The following APP variants were observed in gnomAD, a reference collection of about 807,000 sequenced individuals.
APP encodes the protein amyloid beta precursor protein.
In APP, 31 loss-of-function variants were observed where a neutral mutation model predicts 101.4. The ratio of observed to expected loss-of-function variants is 0.31; its 90% confidence interval spans 0.23 to 0.41. APP has a LOEUF of 0.41. APP is among the 10% of genes least tolerant of loss of function. The pLI is 1.00. For synonymous variants in APP, 366 were observed against 364.4 expected (o/e 1.00, Z -0.05); for missense variants, 839 against 1,003.7 (o/e 0.84, Z 2.22).
chr21:26,058,498 C>T (rs554801688), intron 3 of APP, among the ~76,000 whole-genome samples: 7 of 152,266 alleles, frequency 4.6e-5, no homozygotes, highest in East Asian at 1.9e-4. Flanking sequence ...GTATATTTTT[C>T]GATTTCTTTA....
chr21:25,907,137 CTCTTCTTCT>C (rs144592208), intron 14 of APP, among the ~76,000 whole-genome samples: 1 of 152,034 alleles, frequency 6.6e-6, no homozygotes, highest in Non-Finnish European at 1.5e-5. Flanking sequence ...CCTCTCCCCG[CTCTTCTTCT>C]TCTTCTTCTA....
intron 3 of APP, among the ~76,000 whole-genome samples, chr21:26,065,197 T>A (rs2046412239): frequency 6.6e-6 from 1 of 152,112 alleles, no homozygotes. Flanking sequence ...CAGGTGCACC[T>A]GCCACACAGG....
chr21:25,988,702 CAAAA>C (rs537417600), intron 8 of APP, among the ~76,000 whole-genome samples: 26 of 62,358 alleles, frequency 4.2e-4, no homozygotes, highest in African/African-American at 6.4e-4. Flanking sequence ...AACTCTGTCT[CAAAA>C]AAAAAAAAAA....
chr21:25,901,094 T>TC (rs1231025282), intron 15 of APP, among the ~76,000 whole-genome samples: 2 of 151,998 alleles, frequency 1.3e-5, no homozygotes, highest in Non-Finnish European at 2.9e-5. Flanking sequence ...ACTCAGGAGT[T>TC]CGAGACCAGC....
At chr21:26,161,010 C>T (rs1157154535) in intron 1 of APP, among the ~76,000 whole-genome samples, 1 of 152,132 alleles carries the variant, frequency 6.6e-6, no homozygotes, top group Non-Finnish European at 1.5e-5. Flanking sequence ...TATGCTTGTT[C>T]GCAGTTTCTT....
At chr21:25,967,296 C>T (rs548242787) in intron 11 of APP, among the ~76,000 whole-genome samples, 7 of 152,182 alleles carry the variant, frequency 4.6e-5, no homozygotes, top group South Asian at 2.1e-4. Context: ...TGGTTTCAAT[C>T]GTTAAGACAC....
chr21:25,997,848 C>T (rs539285212), intron 7 of APP, among the ~76,000 whole-genome samples: 73 of 152,322 alleles, frequency 4.8e-4, no homozygotes, highest in Non-Finnish European at 9.6e-4. Flanking sequence ...TCAGCCTTTG[C>T]CTTCTTCATA....
intron 1 of APP, among the ~76,000 whole-genome samples, chr21:26,157,495 T>C (rs1017351737): frequency 3.3e-5 from 5 of 152,244 alleles, no homozygotes; most frequent in African/African-American, 1.2e-4. Flanking sequence ...AGACAGATTC[T>C]GTAATGTGTC....
intron 13 of APP, among the ~76,000 whole-genome samples, chr21:25,929,246 A>C (rs1202537200): frequency 1.3e-5 from 2 of 152,178 alleles, no homozygotes; most frequent in Admixed American, 1.3e-4. Flanking sequence ...ATATGTTATG[A>C]CTTCACTGTG....
chr21:25,992,301 T>A (rs946897504), intron 8 of APP, among the ~76,000 whole-genome samples: 2 of 151,294 alleles, frequency 1.3e-5, no homozygotes, highest in East Asian at 3.9e-4. Flanking sequence ...GACAGGGGGA[T>A]CTCTTGAACC....
chr21:25,929,402 G>A (rs533697116), intron 13 of APP, among the ~76,000 whole-genome samples: 1 of 151,582 alleles, frequency 6.6e-6, no homozygotes, highest in Non-Finnish European at 1.5e-5. Context: ...TTTTTTTAAT[G>A]GTTTTATTCT....
At chr21:26,057,249 G>A (rs2830032) in intron 3 of APP, among the ~76,000 whole-genome samples, 112,980 of 152,116 alleles carry the variant, frequency 0.74, 42,110 homozygotes, top group East Asian at 0.87. Context: ...CAGGTAAAAA[G>A]AGTTCTTAAC....
intron 3 of APP, among the ~76,000 whole-genome samples, chr21:26,078,249 T>C (rs1259541101): frequency 6.6e-6 from 1 of 152,150 alleles, no homozygotes; most frequent in East Asian, 1.9e-4. Context: ...AAATAAACAG[T>C]TCTGCTTTTA....
At position 26,088,706 on chromosome 21, in the gene APP, T is replaced by C. The variant is rs553444755; in HGVS notation, c.355+1237A>G. Among the ~76,000 whole-genome samples, 19 of 152,332 alleles carry C rather than the reference T, an allele frequency of 1.2e-4. No individual in the cohort carries two copies. The East Asian group carries it at 3.7e-3, about 29-fold the overall frequency. ...TATCTAGAATTTAAGTGCTGCTTAT[T>C]TTCATCTAATTAAACTGCACTTTTT... On this transcript the variant is annotated intron_variant, in intron 3 of 17. Coordinates refer to ENST00000346798, the MANE Select transcript of APP (RefSeq NM_000484.4).
intron 11 of APP, among the ~76,000 whole-genome samples, chr21:25,966,164 T>A (rs2041788354): frequency 6.6e-6 from 1 of 152,236 alleles, no homozygotes; most frequent in Non-Finnish European, 1.5e-5. Context: ...TTATCGAACT[T>A]GGTAAACATT....
intron 5 of APP, among the ~76,000 whole-genome samples, 161 bp downstream of exon 5, chr21:26,050,839 G>T (rs141932730): frequency 6.6e-6 from 1 of 152,250 alleles, no homozygotes; most frequent in East Asian, 1.9e-4. Context: ...TCAACAGGAT[G>T]CCATAAAAAT....
At chr21:26,067,793 G>A (rs746141341) in intron 3 of APP, among the ~76,000 whole-genome samples, 16 of 152,058 alleles carry the variant, frequency 1.1e-4, no homozygotes, top group East Asian at 1.9e-4. Flanking sequence ...TCTGTATCCC[G>A]AGAGATGAGC....
At chr21:25,895,218 G>T (rs570789767) in intron 16 of APP, among the ~76,000 whole-genome samples, 5 of 149,750 alleles carry the variant, frequency 3.3e-5, no homozygotes, top group Non-Finnish European at 7.4e-5. Flanking sequence ...TTGTTGCCCA[G>T]GCTGGAGTGC....
intron 16 of APP, among the ~76,000 whole-genome samples, chr21:25,896,418 T>TCA (rs149942292): frequency 0.22 from 33,028 of 149,374 alleles, 3,838 homozygotes; most frequent in South Asian, 0.34. Flanking sequence ...AAAGTAACAC[T>TCA]CACACACACA....
Sources: gnomAD v4.1 joint callset for allele counts (sites outside exome capture counted in the v4.1 genomes callset) on GRCh38, gnomAD v4.1.1 for gene constraint, MANE v1.5 for transcripts, NCBI Gene and HGNC (gene_info 2026-07-23, HGNC 2026-07-21) for gene names.